ALX4: variants seen among roughly 807,000 people sequenced by gnomAD.
ALX4 encodes the protein homeobox protein aristaless-like 4.
In ALX4, 22 loss-of-function variants were observed where a neutral mutation model predicts 40.6. The observed-to-expected ratio is 0.54, with a 90% CI of 0.39 to 0.77. The LOEUF is 0.77. ALX4 is among the 30% of genes least tolerant of loss of function. The pLI, the probability that ALX4 is intolerant of heterozygous loss-of-function variation, is 0.00. For missense variants in ALX4, 556 were observed against 564.8 expected (o/e 0.98, Z 0.16); for synonymous variants, 266 against 240.5 (o/e 1.11, Z -0.98).
At chr11:44,303,772 C>A (rs986814307) in intron 1 of ALX4, among the ~76,000 whole-genome samples, 6 of 152,356 alleles carry the variant, frequency 3.9e-5, no homozygotes, top group South Asian at 2.1e-4. Context: ...CTTTCCTGGA[C>A]ACAGTGGAAG....
intron 1 of ALX4, among the ~76,000 whole-genome samples, chr11:44,305,871 G>T (rs2119909522): frequency 6.6e-6 from 1 of 152,364 alleles, no homozygotes; most frequent in Non-Finnish European, 1.5e-5. Flanking sequence ...GAGAAGAGGG[G>T]CAGCTTCCCG....
At chr11:44,291,243 T>A (rs998156977) in intron 1 of ALX4, among the ~76,000 whole-genome samples, 3 of 152,184 alleles carry the variant, frequency 2.0e-5, no homozygotes, top group Non-Finnish European at 2.9e-5. Flanking sequence ...AAAAAAACTT[T>A]TAAAGAGTGG....
intron 2 of ALX4, among the ~76,000 whole-genome samples, chr11:44,271,154 CT>C (rs1280862657): frequency 0.012 from 2 of 164 alleles, no homozygotes; most frequent in African/African-American, 0.028. Flanking sequence ...TCACCACCCC[CT>C]TACCCCCCCA....
At chr11:44,266,861 G>A (rs2135306850) in intron 3 of ALX4, among the ~76,000 whole-genome samples, 1 of 152,288 alleles carries the variant, frequency 6.6e-6, no homozygotes, top group East Asian at 1.9e-4. Flanking sequence ...GGGAGGGGAG[G>A]ACAGGGCCCC....
At chr11:44,302,410 A>G (rs557788958) in intron 1 of ALX4, among the ~76,000 whole-genome samples, 1 of 152,272 alleles carries the variant, frequency 6.6e-6, no homozygotes, top group South Asian at 2.1e-4. Flanking sequence ...GCACTTAACC[A>G]TGTGGGGGCA....
At chr11:44,285,495 C>T (rs1347779990) in intron 1 of ALX4, among the ~76,000 whole-genome samples, 1 of 152,176 alleles carries the variant, frequency 6.6e-6, no homozygotes, top group African/African-American at 2.4e-5. Context: ...GCTCCAAGAA[C>T]TAGAAATATG....
chr11:44,276,712 G>T (rs1956280200), intron 1 of ALX4, among the ~76,000 whole-genome samples: 1 of 152,204 alleles, frequency 6.6e-6, no homozygotes, highest in South Asian at 2.1e-4. Flanking sequence ...GGGTGGAGAA[G>T]GTTGTGGTGG....
intron 1 of ALX4, among the ~76,000 whole-genome samples, chr11:44,278,628 G>A (rs747711442): frequency 6.6e-6 from 1 of 152,242 alleles, no homozygotes; most frequent in South Asian, 2.1e-4. Context: ...CAAGTGAGCA[G>A]GCAGAGATAG....
intron 1 of ALX4, among the ~76,000 whole-genome samples, chr11:44,286,769 A>C (rs1042541146): frequency 1.3e-5 from 2 of 152,178 alleles, no homozygotes; most frequent in Admixed American, 6.5e-5. Flanking sequence ...CAGTCTCCTC[A>C]GAATTCCCAC....
chr11:44,266,229 G>A (rs1488066387), intron 3 of ALX4, among the ~76,000 whole-genome samples: 2 of 152,180 alleles, frequency 1.3e-5, no homozygotes, highest in Admixed American at 1.3e-4. Flanking sequence ...CTGTAGGTGA[G>A]GTGGGGGTAG....
chr11:44,274,613 G>A (rs929297564), intron 2 of ALX4, among the ~76,000 whole-genome samples: 1 of 152,128 alleles, frequency 6.6e-6, no homozygotes, highest in African/African-American at 2.4e-5. Context: ...GTTGAGTTGA[G>A]TTCTATTGGG....
intron 1 of ALX4, among the ~76,000 whole-genome samples, chr11:44,277,626 C>G (rs1404949753): frequency 6.6e-6 from 1 of 152,224 alleles, no homozygotes; most frequent in African/African-American, 2.4e-5. Flanking sequence ...TCTTCTGACT[C>G]CATCCAGATC....
At chr11:44,268,167 G>A (rs918457716) in intron 2 of ALX4, among the ~76,000 whole-genome samples, 3 of 152,204 alleles carry the variant, frequency 2.0e-5, no homozygotes, top group African/African-American at 7.2e-5. Flanking sequence ...GTGTTAAAGG[G>A]AGAACAGGGG....
intron 1 of ALX4, among the ~76,000 whole-genome samples, chr11:44,276,451 G>A (rs190673399): frequency 3.0e-4 from 45 of 152,318 alleles, no homozygotes; most frequent in African/African-American, 8.7e-4. Context: ...CAGCCACTGC[G>A]TCTGGCAGAT....
chr11:44,272,444 C>T (rs1241216590), intron 2 of ALX4, among the ~76,000 whole-genome samples: 1 of 151,202 alleles, frequency 6.6e-6, no homozygotes, highest in Non-Finnish European at 1.5e-5. Flanking sequence ...GCAGAGGTTG[C>T]AGTGAGCCAA....
chr11:44,300,329 T>G (rs769750475), intron 1 of ALX4, among the ~76,000 whole-genome samples: 1 of 152,170 alleles, frequency 6.6e-6, no homozygotes, highest in Non-Finnish European at 1.5e-5. Context: ...AGTAGAGCTA[T>G]GTGCATGTTT....
intron 1 of ALX4, among the ~76,000 whole-genome samples, chr11:44,293,924 G>A (rs960200247): frequency 1.1e-3 from 166 of 152,298 alleles, no homozygotes; most frequent in African/African-American, 3.9e-3. Flanking sequence ...GGGCGGTCAG[G>A]GGACATGGTC....
chr11:44,297,174 A>C (rs1956407810), intron 1 of ALX4, among the ~76,000 whole-genome samples: 1 of 152,150 alleles, frequency 6.6e-6, no homozygotes, highest in South Asian at 2.1e-4. Context: ...AACAGTGGTG[A>C]TGGTTACACA....
At position 44,293,176 on chromosome 11, in the gene ALX4, C is replaced by CAGGG. The variant is rs1421050733; in HGVS notation, c.466+16420_466+16421insCCCT. Reference sequence around the variant, plus strand: ...GGAAGGAAGGAAGGAAGGAAGCAGGCAGGCAGGGAGGGAGGGAGGGAGGGA... The same window carrying CAGGG: ...GGAAGGAAGGAAGGAAGGAAGCAGGCAGGGAGGCAGGGAGGGAGGGAGGGAGGGA... On this transcript the variant is annotated intron_variant, in intron 1 of 3. Transcript: ENST00000652299. Among the ~76,000 whole-genome samples the CAGGG allele has an allele frequency of 2.6e-3, 157 of 59,504 alleles. 14 individuals are homozygous for CAGGG. The highest frequency in any genetic ancestry group is 3.2e-3 in the Non-Finnish European group (101 of 32,028). The allele number at this position is 59,504 out of a possible 152,430, so 39.0% of individuals were successfully genotyped here. A position where few individuals can be genotyped will look rare whatever the true frequency, so the allele number is the denominator to read the frequency against.
Sources: gnomAD v4.1 joint callset for allele counts (sites outside exome capture counted in the v4.1 genomes callset) on GRCh38, gnomAD v4.1.1 for gene constraint, MANE v1.5 for transcripts, NCBI Gene and HGNC (gene_info 2026-07-23, HGNC 2026-07-21) for gene names.